MEI4: variants seen among roughly 807,000 people sequenced by gnomAD.
MEI4 encodes the protein meiosis-specific protein MEI4.
Under a neutral mutation model 31.4 loss-of-function variants are expected in MEI4, and 27 were observed. The observed-to-expected ratio is 0.86, with a 90% CI of 0.63 to 1.19. The LOEUF (loss-of-function observed/expected upper bound fraction) is 1.19. MEI4 is among the 50% of genes most tolerant of loss of function. MEI4 has a pLI of 0.00. For missense variants in MEI4, 329 were observed against 398.9 expected, an observed-to-expected ratio of 0.82 and a Z score of 1.49; for synonymous variants, 122 against 145.4, an observed-to-expected ratio of 0.84 and a Z score of 1.16.
At chr6:77,788,685 C>T (rs1465956940) in intron 3 of MEI4, among the ~76,000 whole-genome samples, 1 of 152,024 alleles carries the variant, frequency 6.6e-6, no homozygotes. Context: ...ACCTAGGAAT[C>T]CAACTTACAA....
intron 4 of MEI4, among the ~76,000 whole-genome samples, chr6:77,873,438 T>A (rs1246002015): frequency 1.3e-5 from 2 of 152,184 alleles, no homozygotes; most frequent in Non-Finnish European, 2.9e-5. Flanking sequence ...TTTGCCCACT[T>A]TTTGATGGGG....
chr6:77,829,713 A>G (rs1467648025), intron 4 of MEI4, among the ~76,000 whole-genome samples: 1 of 152,158 alleles, frequency 6.6e-6, no homozygotes. Context: ...TATTACATGT[A>G]TTCCATTTGA....
intron 2 of MEI4, among the ~76,000 whole-genome samples, chr6:77,755,855 T>TGTGTGC (rs1767904513): frequency 1.4e-5 from 2 of 147,956 alleles, no homozygotes; most frequent in East Asian, 3.9e-4. Context: ...TGTGTGTGTG[T>TGTGTGC]ATTTTACCTC....
intron 4 of MEI4, among the ~76,000 whole-genome samples, chr6:77,851,932 G>T (rs1770635336): frequency 6.6e-6 from 1 of 152,066 alleles, no homozygotes; most frequent in Admixed American, 6.6e-5. Context: ...TTGTAAATGA[G>T]TCTGGGAAAT....
intron 2 of MEI4, among the ~76,000 whole-genome samples, chr6:77,749,192 A>G (rs1369208461): frequency 1.3e-5 from 2 of 152,180 alleles, no homozygotes; most frequent in Admixed American, 6.5e-5. Context: ...TGAAGATTCC[A>G]AAACCCAGAA....
At chr6:77,765,106 G>C (rs1420517267) in intron 3 of MEI4, among the ~76,000 whole-genome samples, 3 of 152,176 alleles carry the variant, frequency 2.0e-5, no homozygotes, top group African/African-American at 7.2e-5. Flanking sequence ...CCTTAGACAA[G>C]TTAACTAACC....
At chr6:77,655,417 A>C (rs976938447) in intron 1 of MEI4, among the ~76,000 whole-genome samples, 1 of 152,184 alleles carries the variant, frequency 6.6e-6, no homozygotes, top group African/African-American at 2.4e-5. Flanking sequence ...CCCTCCAATA[A>C]ATATGAGAAG....
intron 3 of MEI4, among the ~76,000 whole-genome samples, chr6:77,799,944 G>A (rs1041223771): frequency 1.2e-4 from 19 of 152,236 alleles, no homozygotes; most frequent in African/African-American, 4.6e-4. Context: ...CTCCAGCTCT[G>A]TTCTTTTGGC....
At chr6:77,670,716 G>A (rs1768722736) in intron 1 of MEI4, among the ~76,000 whole-genome samples, 2 of 152,054 alleles carry the variant, frequency 1.3e-5, no homozygotes, top group East Asian at 3.9e-4. Flanking sequence ...TCAACTAACT[G>A]AAGCCTTTTC....
rs1246786071 is a variant in MEI4 at position 77,923,490 on chromosome 6, T to C, written c.*144T>C. On this transcript the variant is annotated 3_prime_UTR_variant, in exon 5 of 5. Transcript: ENST00000684080. ...ATAATTATCAATTCAACTTAATGGT[T>C]AGTCTTAAATTGTATGAAATTTTAT... The C allele has an allele frequency of 5.6e-6, 4 of 718,402 alleles. No individual in the cohort carries two copies. The African/African-American group carries it at 5.6e-5, about 10-fold the overall frequency. The allele number at this position is 718,402 out of a possible 1,614,324, so 44.5% of individuals were successfully genotyped here. A position where few individuals can be genotyped will look rare whatever the true frequency, so the allele number is the denominator to read the frequency against.
intron 4 of MEI4, among the ~76,000 whole-genome samples, chr6:77,849,986 A>C (rs974150331): frequency 6.6e-6 from 1 of 152,192 alleles, no homozygotes; most frequent in South Asian, 2.1e-4. Context: ...ATTAATAGCA[A>C]TTTTATGTCT....
intron 3 of MEI4, among the ~76,000 whole-genome samples, chr6:77,817,038 T>TGTG (rs1769705844): frequency 6.6e-6 from 1 of 151,922 alleles, no homozygotes; most frequent in African/African-American, 2.4e-5. Context: ...TGTGTGTGTG[T>TGTG]GTGTTGTTTT....
In MEI4 at chr6:77,923,323, C is replaced by CAGAT. The variant is rs372126020; in HGVS notation, c.1139_1142dup (p.Glu381AspfsTer5). 469 of 1,229,878 alleles carry CAGAT rather than the reference C, an allele frequency of 3.8e-4. 1 individual carries two copies. The African/African-American group carries it at 6.1e-3, about 16-fold the overall frequency. The allele number at this position is 1,229,878 out of a possible 1,614,324, so 76.2% of individuals were successfully genotyped here. On this transcript the variant is annotated frameshift_variant, in exon 5 of 5. Transcript: ENST00000684080. LOFTEE classifies it high-confidence loss of function. ...AGTGGGCATTCTTTTGAGCTCAGCA[C>CAGAT]AGATAGAAACTCTTAGAAAATAACT...
At chr6:77,683,734 A>G (rs552450725) in intron 1 of MEI4, among the ~76,000 whole-genome samples, 1 of 152,274 alleles carries the variant, frequency 6.6e-6, no homozygotes, top group African/African-American at 2.4e-5. Flanking sequence ...TTTGTTTCTA[A>G]AGACTGAATA....
intron 3 of MEI4, among the ~76,000 whole-genome samples, chr6:77,802,820 A>T (rs1360581969): frequency 6.6e-6 from 1 of 152,200 alleles, no homozygotes; most frequent in Non-Finnish European, 1.5e-5. Context: ...TCTGGCTTGT[A>T]GAGTTTCTGC....
At chr6:77,905,475 CTTTTT>C (rs70974691) in intron 4 of MEI4, among the ~76,000 whole-genome samples, 1 of 93,340 alleles carries the variant, frequency 1.1e-5, no homozygotes, top group African/African-American at 3.8e-5. Context: ...AAATTTTCAG[CTTTTT>C]TTTTTTTTTT....
At chr6:77,865,070 A>G (rs1405013239) in intron 4 of MEI4, among the ~76,000 whole-genome samples, 1 of 152,230 alleles carries the variant, frequency 6.6e-6, no homozygotes, top group African/African-American at 2.4e-5. Flanking sequence ...TCTCTAGGAC[A>G]CATTCAAAGC....
At chr6:77,775,378 C>T (rs1440080842) in intron 3 of MEI4, among the ~76,000 whole-genome samples, 2 of 152,072 alleles carry the variant, frequency 1.3e-5, no homozygotes, top group Non-Finnish European at 2.9e-5. Context: ...TTGTATCATT[C>T]TTACGCCTTT....
intron 4 of MEI4, among the ~76,000 whole-genome samples, chr6:77,916,935 C>T (rs1412420060): frequency 6.7e-6 from 1 of 148,964 alleles, no homozygotes; most frequent in African/African-American, 2.5e-5. Flanking sequence ...CCCACCCCAC[C>T]ACAGTCCCCA....
Sources: gnomAD v4.1 joint callset for allele counts (sites outside exome capture counted in the v4.1 genomes callset) on GRCh38, gnomAD v4.1.1 for gene constraint, MANE v1.5 for transcripts, NCBI Gene and HGNC (gene_info 2026-07-23, HGNC 2026-07-21) for gene names.